ZNF804A: variants seen among roughly 807,000 people sequenced by gnomAD.
ZNF804A encodes the protein zinc finger protein 804A.
ZNF804A carries 2 observed loss-of-function variants against 16.5 expected under a neutral mutation model. That is an observed-to-expected ratio of 0.12 (90% CI 0.05 to 0.38). The LOEUF (loss-of-function observed/expected upper bound fraction) is 0.38, where lower values mean the gene tolerates loss of function less well. Ranked by LOEUF, ZNF804A falls within the 10% of genes least tolerant of loss-of-function variation. The pLI is 0.99. For synonymous variants in ZNF804A, 534 were observed against 489.6 expected (o/e 1.09, Z -1.20); for missense variants, 1,473 against 1,390.7 (o/e 1.06, Z -0.94).
intron 1 of ZNF804A, among the ~76,000 whole-genome samples, chr2:184,697,758 T>G (rs1692856032): frequency 6.6e-6 from 1 of 152,060 alleles, no homozygotes; most frequent in African/African-American, 2.4e-5. Flanking sequence ...TTCATAATAT[T>G]TTAAAAGTTA....
intron 1 of ZNF804A, among the ~76,000 whole-genome samples, chr2:184,763,198 T>C (rs1574200437): frequency 6.6e-6 from 1 of 152,284 alleles, no homozygotes. Flanking sequence ...CTTAATACCT[T>C]ACAATGTGAT....
intron 1 of ZNF804A, among the ~76,000 whole-genome samples, chr2:184,766,075 G>T (rs1294355292): frequency 1.3e-5 from 2 of 152,016 alleles, no homozygotes; most frequent in Non-Finnish European, 2.9e-5. Context: ...TATTAATTTT[G>T]CCCCACAACA....
chr2:184,606,632 T>G (rs1158680678), intron 1 of ZNF804A, among the ~76,000 whole-genome samples: 2 of 152,178 alleles, frequency 1.3e-5, no homozygotes, highest in Non-Finnish European at 2.9e-5. Context: ...AGATTACTCT[T>G]GATGATGTGG....
intron 1 of ZNF804A, among the ~76,000 whole-genome samples, chr2:184,788,707 C>A (rs1193430939): frequency 6.6e-6 from 1 of 151,954 alleles, no homozygotes; most frequent in Non-Finnish European, 1.5e-5. Context: ...TTACTGAAGT[C>A]AATCATCAGG....
At chr2:184,702,080 GAATAAA>G (rs953431984) in intron 1 of ZNF804A, among the ~76,000 whole-genome samples, 52 of 151,872 alleles carry the variant, frequency 3.4e-4, no homozygotes, top group African/African-American at 1.1e-3. Flanking sequence ...GCCAGTTGTA[GAATAAA>G]AATAAAAATA....
intron 1 of ZNF804A, among the ~76,000 whole-genome samples, chr2:184,755,341 A>G (rs970400313): frequency 4.0e-5 from 6 of 151,874 alleles, no homozygotes; most frequent in Non-Finnish European, 1.5e-5. Context: ...CCTTCCTATA[A>G]ATGAAGTGTT....
intron 2 of ZNF804A, among the ~76,000 whole-genome samples, chr2:184,895,237 TGA>T (rs369592189): frequency 7.1e-4 from 106 of 149,936 alleles, no homozygotes; most frequent in South Asian, 3.8e-3. Context: ...TGTGTGTGTG[TGA>T]GAGAGAGAGA....
At chr2:184,790,071 C>A (rs921834924) in intron 1 of ZNF804A, among the ~76,000 whole-genome samples, 1 of 151,816 alleles carries the variant, frequency 6.6e-6, no homozygotes, top group Non-Finnish European at 1.5e-5. Context: ...GCCTTTATTT[C>A]ATTGTTTACT....
intron 1 of ZNF804A, among the ~76,000 whole-genome samples, chr2:184,861,073 C>A (rs932402271): frequency 7.2e-5 from 11 of 152,176 alleles, no homozygotes; most frequent in Admixed American, 7.2e-4. Context: ...GGTGCTAGAG[C>A]AGATCTAGAG....
chr2:184,621,614 A>G (rs765236610), intron 1 of ZNF804A, among the ~76,000 whole-genome samples: 63 of 151,854 alleles, frequency 4.1e-4, no homozygotes, highest in Non-Finnish European at 7.4e-4. Flanking sequence ...GTATTAATAC[A>G]ATGTCCTTTT....
At chr2:184,874,293 ATT>A (rs1696019196) in intron 2 of ZNF804A, among the ~76,000 whole-genome samples, 1 of 152,134 alleles carries the variant, frequency 6.6e-6, no homozygotes, top group Non-Finnish European at 1.5e-5. Context: ...TGTGAAATAT[ATT>A]CTAATTATTA....
chr2:184,855,969 T>G (rs1695680522), intron 1 of ZNF804A, among the ~76,000 whole-genome samples: 1 of 152,052 alleles, frequency 6.6e-6, no homozygotes, highest in Non-Finnish European at 1.5e-5. Context: ...AACTTTTTAA[T>G]GTCAATAATG....
intron 1 of ZNF804A, among the ~76,000 whole-genome samples, chr2:184,691,506 C>G (rs1045337140): frequency 4.2e-4 from 64 of 151,564 alleles, no homozygotes; most frequent in African/African-American, 1.3e-3. Flanking sequence ...TTTGTTGAGA[C>G]AAACTAGTTT....
Position 184,889,735 on chromosome 2 carries a change from G to A in ZNF804A, c.255+23223G>A, listed in dbSNP as rs1684952341. ...AAAATCATTGTCACTGCTACTTAAT[G>A]TTGCTTCTTATTCAATTGCGTGCCT... On this transcript the variant is annotated intron_variant, in intron 2 of 3. Coordinates refer to ENST00000302277, the MANE Select transcript of ZNF804A (RefSeq NM_194250.2). Among the ~76,000 whole-genome samples, 5 of 151,978 alleles carry A rather than the reference G, an allele frequency of 3.3e-5. 1 individual carries two copies. In the South Asian group the frequency reaches 1.0e-3, roughly 32 times the overall value.
chr2:184,821,723 A>G (rs1229195602), intron 1 of ZNF804A, among the ~76,000 whole-genome samples: 5 of 152,168 alleles, frequency 3.3e-5, no homozygotes, highest in African/African-American at 1.2e-4. Flanking sequence ...CAAGGAAAAG[A>G]CAAACAACCA....
At chr2:184,712,905 G>A (rs960703302) in intron 1 of ZNF804A, among the ~76,000 whole-genome samples, 1 of 151,374 alleles carries the variant, frequency 6.6e-6, no homozygotes, top group African/African-American at 2.4e-5. Context: ...ATTTATTCCT[G>A]TATCATTTTT....
At chr2:184,650,756 G>A (rs1230117440) in intron 1 of ZNF804A, among the ~76,000 whole-genome samples, 2 of 151,972 alleles carry the variant, frequency 1.3e-5, no homozygotes, top group African/African-American at 4.8e-5. Context: ...GAGTTGAAAG[G>A]TCTCTGCAGG....
At chr2:184,909,839 G>C (rs998187336) in intron 2 of ZNF804A, among the ~76,000 whole-genome samples, 1 of 152,028 alleles carries the variant, frequency 6.6e-6, no homozygotes, top group Admixed American at 6.6e-5. Context: ...GCTATGCCAA[G>C]AGTTTATGTG....
chr2:184,813,911 C>G (rs1694936127), intron 1 of ZNF804A, among the ~76,000 whole-genome samples: 1 of 150,654 alleles, frequency 6.6e-6, no homozygotes, highest in Non-Finnish European at 1.5e-5. Flanking sequence ...CTTCTGGATG[C>G]CTTCAGTACA....
Sources: gnomAD v4.1 joint callset for allele counts (sites outside exome capture counted in the v4.1 genomes callset) on GRCh38, gnomAD v4.1.1 for gene constraint, MANE v1.5 for transcripts, NCBI Gene and HGNC (gene_info 2026-07-23, HGNC 2026-07-21) for gene names.